SIM2: variants seen among roughly 807,000 people sequenced by gnomAD.
The protein encoded by SIM2 is SIM bHLH transcription factor 2, also known as single-minded homolog 2.
In SIM2, 28 loss-of-function variants were observed where a neutral mutation model predicts 64.8. That is an observed-to-expected ratio of 0.43 (90% CI 0.32 to 0.59). The LOEUF (loss-of-function observed/expected upper bound fraction) is 0.59. Ranked by LOEUF, SIM2 falls within the 20% of genes least tolerant of loss-of-function variation. The probability of loss-of-function intolerance (pLI) is 0.07; values close to 1 mark genes in which losing one functional copy is unlikely to be tolerated. For missense variants in SIM2, 847 were observed against 871.4 expected (o/e 0.97, Z 0.35); for synonymous variants, 408 against 391.1 (o/e 1.04, Z -0.51).
intron 6 of SIM2, among the ~76,000 whole-genome samples, chr21:36,728,010 G>A (rs1054026876): frequency 2.0e-5 from 3 of 152,084 alleles, no homozygotes; most frequent in East Asian, 3.9e-4. Context: ...AGGAAACAGC[G>A]CTCTTTGGGG....
chr21:36,718,291 A>G (rs183204841), intron 3 of SIM2, among the ~76,000 whole-genome samples: 3 of 152,328 alleles, frequency 2.0e-5, no homozygotes, highest in African/African-American at 7.2e-5. Context: ...CTGATGGCCT[A>G]GATGCTAATC....
At chr21:36,720,640 G>A (rs2088812974) in intron 4 of SIM2, 2 of 152,192 alleles carry the variant, frequency 1.3e-5, no homozygotes, top group Admixed American at 1.3e-4. Context: ...TGCTTTTTTG[G>A]TAATCTTATA....
At position 36,731,280 on chromosome 21, in the gene SIM2, C is replaced by A. The variant is rs182926138; in HGVS notation, c.850+129C>A. ...CATGATACACACTTGAATCTCAAGC[C>A]CCAAGTGTGGCTTCCTCCACCCCGT... is the stretch of plus-strand genomic sequence containing the variant. On this transcript the variant is annotated intron_variant, in intron 7 of 10. Coordinates refer to ENST00000290399, the MANE Select transcript of SIM2 (RefSeq NM_005069.6). 7.7e-4 allele frequency: 499 copies of A among 651,804 alleles called. 1 individual carries two copies. Among genetic ancestry groups the A allele is most frequent in the Non-Finnish European group, 7.1e-4 (275 of 385,968 alleles). The allele number at this position is 651,804 out of a possible 1,614,324, so 40.4% of individuals were successfully genotyped here.
intron 1 of SIM2, 126 bp from the exon 2 acceptor site, chr21:36,709,042 G>A: frequency 1.3e-6 from 1 of 762,244 alleles, no homozygotes; most frequent in Non-Finnish European, 2.1e-6. Context: ...CCGGGGAGGC[G>A]GCGGGGAGAC....
intron 3 of SIM2, among the ~76,000 whole-genome samples, chr21:36,717,006 CAT>C (rs1162106887): frequency 2.6e-5 from 4 of 152,164 alleles, no homozygotes; most frequent in African/African-American, 9.7e-5. Flanking sequence ...TCTGTAAAGA[CAT>C]TTCCGTTATT....
intron 6 of SIM2, among the ~76,000 whole-genome samples, chr21:36,730,526 G>T (rs1384747826): frequency 6.6e-6 from 1 of 152,218 alleles, no homozygotes; most frequent in African/African-American, 2.4e-5. Flanking sequence ...TGGGATCATG[G>T]AAAGCTCTGG....
chr21:36,716,070 C>T lies in SIM2; in HGVS notation c.348+3448C>T, dbSNP rs186896555. ...CAGCCTGAAAACTCCCGTTGGTGGG[C>T]ACACTCGCACACGTGTCCACACACA... On this transcript the variant is annotated intron_variant, in intron 3 of 10. Transcript: ENST00000290399. Among the ~76,000 whole-genome samples the T allele has an allele frequency of 2.4e-3, 364 of 152,312 alleles. 1 individual carries two copies. The highest frequency in any genetic ancestry group is 4.1e-3 in the Non-Finnish European group (281 of 68,018).
At chr21:36,743,837 A>T (rs1262406121) in intron 9 of SIM2, among the ~76,000 whole-genome samples, 2 of 152,230 alleles carry the variant, frequency 1.3e-5, no homozygotes, top group Non-Finnish European at 2.9e-5. Flanking sequence ...GACGGGTTGG[A>T]ATCCACGGGT....
intron 7 of SIM2, among the ~76,000 whole-genome samples, chr21:36,732,520 G>A (rs73210777): frequency 0.064 from 9,790 of 152,296 alleles, 470 homozygotes; most frequent in Non-Finnish European, 0.096. Context: ...CCAGGGTGTC[G>A]CTGTTGCTCT....
intron 7 of SIM2, among the ~76,000 whole-genome samples, chr21:36,734,171 G>A: frequency 6.6e-6 from 1 of 152,168 alleles, no homozygotes; most frequent in African/African-American, 2.4e-5. Context: ...GGAGATGTGG[G>A]CTGGTGGCTG....
At chr21:36,746,005 T>C (rs1318778628) in intron 10 of SIM2, 1 of 1,176,174 alleles carries the variant, frequency 8.5e-7, no homozygotes, top group South Asian at 1.6e-5. Context: ...AAAATGTGGG[T>C]GAAGGTGACA....
In SIM2 at chr21:36,748,789, G is replaced by C. The variant is rs920226252; in HGVS notation, c.*697G>C. On this transcript the variant is annotated 3_prime_UTR_variant, in exon 11 of 11. Transcript: ENST00000290399. ...TTCCCCCTAACCCCTATGAACTCTTGATAACACCAAGAGTAGCACCTTCAG... is the reference window on the plus strand; with the variant it reads ...TTCCCCCTAACCCCTATGAACTCTTCATAACACCAAGAGTAGCACCTTCAG... The C allele has an allele frequency of 6.6e-6, 1 of 152,504 alleles. No individual in the cohort carries two copies. Among genetic ancestry groups the C allele is most frequent in the Non-Finnish European group, 1.5e-5 (1 of 68,026 alleles). The allele number at this position is 152,504 out of a possible 1,614,324, so 9.4% of individuals were successfully genotyped here.
intron 9 of SIM2, 127 bp downstream of exon 9, chr21:36,743,682 C>T (rs2089193148): frequency 1.1e-6 from 1 of 931,942 alleles, no homozygotes; most frequent in Admixed American, 2.7e-5. Context: ...GGAGCAAGGT[C>T]CCTCTGGGAT....
chr21:36,743,536 C>T lies in SIM2; in HGVS notation c.1148C>T (p.Thr383Ile). Residue 383 changes from threonine (T) to isoleucine (I), a missense_variant, in exon 9 of 11, where the codon ACA becomes ATA. Transcript: ENST00000290399. ...KNTKMKTKLR[T>I]NPYPPQQYSS... ...ACCAAGATGAAGACAAAGCTGAGAACAAACCCTTACCCCCCACAGGTAACA... is the reference window on the plus strand; with the variant it reads ...ACCAAGATGAAGACAAAGCTGAGAATAAACCCTTACCCCCCACAGGTAACA... The T allele has an allele frequency of 1.2e-6, 2 of 1,613,856 alleles. No individual in the cohort carries two copies. The highest frequency in any genetic ancestry group is 1.1e-5 in the South Asian group (1 of 91,072).
intron 8 of SIM2, among the ~76,000 whole-genome samples, chr21:36,742,934 G>A (rs754201677): frequency 2.0e-5 from 3 of 152,188 alleles, no homozygotes; most frequent in South Asian, 2.1e-4. Context: ...ATGGGCCCCC[G>A]ATGTGAGAAT....
At chr21:36,704,103 G>A (rs946807442) in intron 1 of SIM2, among the ~76,000 whole-genome samples, 3 of 152,366 alleles carry the variant, frequency 2.0e-5, no homozygotes, top group African/African-American at 4.8e-5. Flanking sequence ...TTGCCCACAC[G>A]AAACGAGGTG....
At chr21:36,700,017 G>C in intron 1 of SIM2, 96 bp downstream of exon 1, 1 of 1,314,108 alleles carries the variant, frequency 7.6e-7, no homozygotes, top group South Asian at 1.4e-5. Context: ...GGGTTGCCGC[G>C]GCCTGGCGTC....
At chr21:36,709,692 C>G (rs1275725832) in intron 2 of SIM2, 1 of 343,764 alleles carries the variant, frequency 2.9e-6, no homozygotes, top group Non-Finnish European at 5.7e-6. Flanking sequence ...GACGGAGAGA[C>G]AGCATCAATA....
intron 3 of SIM2, among the ~76,000 whole-genome samples, chr21:36,716,724 C>T (rs937953278): frequency 2.0e-5 from 3 of 152,114 alleles, no homozygotes; most frequent in Non-Finnish European, 2.9e-5. Flanking sequence ...TTCAGCAAAA[C>T]ATAAAAAAGC....
Sources: gnomAD v4.1 joint callset for allele counts (sites outside exome capture counted in the v4.1 genomes callset) on GRCh38, gnomAD v4.1.1 for gene constraint, MANE v1.5 for transcripts, NCBI Gene and HGNC (gene_info 2026-07-23, HGNC 2026-07-21) for gene names.